COPS4: variants seen among roughly 807,000 people sequenced by gnomAD.
The protein encoded by COPS4 is COP9 signalosome complex subunit 4.
A neutral mutation model predicts 55.1 loss-of-function variants in COPS4; 8 were observed. That is an observed-to-expected ratio of 0.15 (90% CI 0.09 to 0.26). The LOEUF is 0.26. Among genes scored for constraint, COPS4 ranks in the 10% least tolerant of loss-of-function variants. The pLI, the probability that COPS4 is intolerant of heterozygous loss-of-function variation, is 1.00. For synonymous variants in COPS4, 185 were observed against 165.7 expected, an observed-to-expected ratio of 1.12 and a Z score of -0.90; for missense variants, 248 against 484.0, an observed-to-expected ratio of 0.51 and a Z score of 4.58.
At chr4:83,042,770 T>C (rs1730601042) in intron 1 of COPS4, among the ~76,000 whole-genome samples, 1 of 151,958 alleles carries the variant, frequency 6.6e-6, no homozygotes, top group South Asian at 2.1e-4. Flanking sequence ...GCCTGGCTAA[T>C]TTTTTTATAT....
chr4:83,043,875 G>T (rs1038424542), intron 1 of COPS4, among the ~76,000 whole-genome samples: 2 of 152,034 alleles, frequency 1.3e-5, no homozygotes, highest in African/African-American at 2.4e-5. Flanking sequence ...TTTGGAATTT[G>T]CTATCTTTTC....
chr4:83,039,989 G>A (rs1012100229), intron 1 of COPS4, among the ~76,000 whole-genome samples: 2 of 152,046 alleles, frequency 1.3e-5, no homozygotes, highest in South Asian at 2.1e-4. Context: ...TCTAGGCTCC[G>A]GTGAAATCCC....
Position 83,066,418 on chromosome 4 carries a change from CT to C in COPS4, c.887-19del. On this transcript the variant is annotated intron_variant, in intron 7 of 9. Coordinates refer to ENST00000264389, the MANE Select transcript of COPS4 (RefSeq NM_016129.3). ...TATAAAACTAGTTTCAAACTTGTAACTGTCTTATTTATGTTTAAGGTTCCAG... is the reference window on the plus strand; with the variant it reads ...TATAAAACTAGTTTCAAACTTGTAACGTCTTATTTATGTTTAAGGTTCCAG... 4 of 1,277,622 alleles carry C rather than the reference CT, an allele frequency of 3.1e-6. No individual in the cohort carries two copies. Among genetic ancestry groups the C allele is most frequent in the Non-Finnish European group, 4.4e-6 (4 of 916,226 alleles). 79.1% of individuals were successfully genotyped at this position (1,277,622 alleles called of 1,614,324 possible).
chr4:83,066,904 A>T (rs1731304931), intron 8 of COPS4, among the ~76,000 whole-genome samples: 1 of 152,204 alleles, frequency 6.6e-6, no homozygotes, highest in East Asian at 1.9e-4. Flanking sequence ...AGTACCAATG[A>T]CATTCAGAGA....
intron 6 of COPS4, 143 bp downstream of exon 6, chr4:83,057,551 G>A: frequency 1.7e-6 from 1 of 587,730 alleles, no homozygotes; most frequent in Admixed American, 3.6e-5. Context: ...TAGTTTAAGT[G>A]TTTAAAAACA....
chr4:83,036,587 G>A (rs1387614736), intron 1 of COPS4, among the ~76,000 whole-genome samples: 1 of 152,202 alleles, frequency 6.6e-6, no homozygotes, highest in Non-Finnish European at 1.5e-5. Context: ...AGGACAAGAT[G>A]AGTATGTGTG....
intron 9 of COPS4, chr4:83,073,426 G>C (rs1731488846): frequency 2.4e-6 from 1 of 408,362 alleles, no homozygotes; most frequent in Non-Finnish European, 4.3e-6. Flanking sequence ...TTCCACCACT[G>C]GTTTTCATTT....
rs1731296987 is a variant in COPS4, at chr4:83,066,505, T to C, written c.954T>C (p.Asn318=). ...TGTCTGCAAGCAAATTATATAATAA[T>C]ATTACCTTCGAAGAACTTGGAGCTC... ...NLLSASKLYN[N]ITFEELGALL... The change falls in exon 8 of 10, where the codon AAT becomes AAC. Residue 318 remains asparagine, a synonymous_variant. Coordinates refer to ENST00000264389, the MANE Select transcript of COPS4 (RefSeq NM_016129.3). 1.2e-6 allele frequency: 2 copies of C among 1,602,346 alleles called. No individual in the cohort carries two copies. Among genetic ancestry groups the C allele is most frequent in the Non-Finnish European group, 1.7e-6 (2 of 1,174,774 alleles).
chr4:83,065,162 C>T, intron 7 of COPS4: 1 of 521,134 alleles, frequency 1.9e-6, no homozygotes, highest in Non-Finnish European at 3.4e-6. Context: ...AGGGGTAAGC[C>T]ACTGCACCTG....
chr4:83,066,973 T>C (rs1207892442), intron 8 of COPS4, among the ~76,000 whole-genome samples: 1 of 152,234 alleles, frequency 6.6e-6, no homozygotes, highest in Non-Finnish European at 1.5e-5. Flanking sequence ...TAAGCAACCT[T>C]ACTTTTAGCT....
intron 4 of COPS4, among the ~76,000 whole-genome samples, chr4:83,054,565 G>C (rs1282706046): frequency 6.6e-6 from 1 of 152,158 alleles, no homozygotes; most frequent in Non-Finnish European, 1.5e-5. Context: ...TTCATATGTA[G>C]ATGTTGAATT....
At chr4:83,049,421 T>C (rs1730801839) in intron 3 of COPS4, 104 bp downstream of exon 3, 12 of 1,082,952 alleles carry the variant, frequency 1.1e-5, no homozygotes, top group Non-Finnish European at 1.5e-5. Context: ...AATTTCATTT[T>C]TGACAAAACA....
chr4:83,067,093 G>A (rs1311221649), intron 8 of COPS4, among the ~76,000 whole-genome samples: 1 of 151,624 alleles, frequency 6.6e-6, no homozygotes, highest in Non-Finnish European at 1.5e-5. Flanking sequence ...TTAGAGACAG[G>A]GTCTTGTTCT....
At chr4:83,074,643 ACTTTT>A (rs762241338) in intron 9 of COPS4, among the ~76,000 whole-genome samples, 43 of 143,470 alleles carry the variant, frequency 3.0e-4, no homozygotes, top group Admixed American at 1.0e-3. Context: ...TTGTATTTTT[ACTTTT>A]CTTTTTTTTT....
intron 9 of COPS4, among the ~76,000 whole-genome samples, chr4:83,070,126 T>G (rs1164182306): frequency 6.6e-6 from 1 of 152,178 alleles, no homozygotes; most frequent in Admixed American, 6.6e-5. Flanking sequence ...ATCTCTTCCA[T>G]CCGATTCTAC....
chr4:83,043,192 A>G (rs2126128000), intron 1 of COPS4, among the ~76,000 whole-genome samples: 2 of 152,110 alleles, frequency 1.3e-5, no homozygotes, highest in South Asian at 4.2e-4. Flanking sequence ...CCCAATACAG[A>G]TTAGTTGATT....
intron 9 of COPS4, among the ~76,000 whole-genome samples, 178 bp downstream of exon 9, chr4:83,068,700 C>T (rs560860932): frequency 3.9e-5 from 6 of 152,174 alleles, no homozygotes; most frequent in Non-Finnish European, 5.9e-5. Context: ...CTGGGCATGG[C>T]GGCTCATGCC....
chr4:83,049,928 A>G lies in COPS4; in HGVS notation c.354A>G (p.Glu118=). ...QHLASIYEKE[E]DWRNAAQVLV... ...TTGCATCTATATATGAGAAAGAAGA[A>G]GATTGGAGAAATGCAGCCCAAGTGT... The change falls in exon 4 of 10, where the codon GAA becomes GAG. Residue 118 remains glutamate, a synonymous_variant. Transcript: ENST00000264389. 2 of 1,612,208 alleles carry G rather than the reference A, an allele frequency of 1.2e-6. No individual in the cohort carries two copies. The highest frequency in any genetic ancestry group is 1.7e-6 in the Non-Finnish European group (2 of 1,179,222).
intron 8 of COPS4, among the ~76,000 whole-genome samples, chr4:83,067,364 A>G (rs1283996907): frequency 6.6e-6 from 1 of 151,718 alleles, no homozygotes; most frequent in Non-Finnish European, 1.5e-5. Flanking sequence ...ACCTCAGCCT[A>G]CTGAGTAGCT....
Sources: gnomAD v4.1 joint callset for allele counts (sites outside exome capture counted in the v4.1 genomes callset) on GRCh38, gnomAD v4.1.1 for gene constraint, MANE v1.5 for transcripts, NCBI Gene and HGNC (gene_info 2026-07-23, HGNC 2026-07-21) for gene names.